Variants in DIPK2B observed in about 807,000 individuals in gnomAD.
The protein encoded by DIPK2B is UPF0672 protein CXorf36.
DIPK2B carries 15 observed loss-of-function variants against 22.2 expected under a neutral mutation model. The ratio of observed to expected loss-of-function variants is 0.68; its 90% CI spans 0.45 to 1.04. The LOEUF (loss-of-function observed/expected upper bound fraction) is 1.04. DIPK2B is among the 50% of genes least tolerant of loss of function. DIPK2B has a pLI of 0.00. For synonymous variants in DIPK2B, 163 were observed against 153.2 expected, an observed-to-expected ratio of 1.06 and a Z score of -0.47; for missense variants, 345 against 348.3, an observed-to-expected ratio of 0.99 and a Z score of 0.08.
intron 2 of DIPK2B, among the ~76,000 whole-genome samples, chrX:45,177,466 G>A (rs1350246223): frequency 1.8e-5 from 2 of 109,111 alleles, no homozygotes; most frequent in Non-Finnish European, 3.8e-5. Context: ...ACGAGAGCTG[G>A]TTATTAAAAA....
At position 45,148,521 on chromosome X, in the gene DIPK2B, G is replaced by C. The variant is rs866510378; in HGVS notation, c.*3131C>G. 1.8e-5 allele frequency: 2 copies of C among 109,924 alleles called. No homozygotes were observed. The highest frequency in any genetic ancestry group is 6.6e-5 in the African/African-American group (2 of 30,094). The allele number at this position is 109,924 out of a possible 1,213,427, so 9.1% of individuals were successfully genotyped here. On this transcript the variant is annotated 3_prime_UTR_variant, in exon 5 of 5. Transcript: ENST00000398000. ...GGGGAGCAGGTGTGTCACATGGTGA[G>C]AGCGGGAGTGAGAGGGAGAGTTGGG...
rs181345057 is a variant in DIPK2B, at chrX:45,154,243, C to T, written c.673-45G>A. 5.6e-6 allele frequency: 6 copies of T among 1,074,147 alleles called. No homozygotes were observed. The African/African-American group carries it at 1.1e-4, about 20-fold the overall frequency. 88.5% of individuals were successfully genotyped at this position (1,074,147 alleles called of 1,213,427 possible). A position where few individuals can be genotyped will look rare whatever the true frequency, so the allele number is the denominator to read the frequency against. The stretch of plus-strand genomic sequence containing the variant: ...AGGATTAGAGAGAAAAATCTGGTGA[C>T]AGCTCTCTATCTGTCTATTATCTCT... On this transcript the variant is annotated intron_variant, in intron 3 of 4. Transcript: ENST00000398000.
Position 45,178,743 on chromosome X carries a change from G to C in DIPK2B, c.498+13008C>G, listed in dbSNP as rs147890286. Among the ~76,000 whole-genome samples the C allele has an allele frequency of 7.3e-4, 82 of 111,725 alleles. 1 individual carries two copies. Among genetic ancestry groups the C allele is most frequent in the African/African-American group, 2.5e-3 (76 of 30,770 alleles). ...AAAATTTCCCTCAGGTCCTTGACCA[G>C]CTCCTAAGCAGCATGTGAGTAGGGT... On this transcript the variant is annotated intron_variant, in intron 2 of 4. Transcript: ENST00000398000.
At chrX:45,196,496 T>G (rs769681103) in intron 1 of DIPK2B, among the ~76,000 whole-genome samples, 1 of 111,561 alleles carries the variant, frequency 9.0e-6, no homozygotes, top group Non-Finnish European at 1.9e-5. Context: ...AAATCAGGCC[T>G]GACGATTTAG....
Position 45,151,567 on chromosome X carries a change from C to A in DIPK2B, c.*85G>T, listed in dbSNP as rs979849823. On this transcript the variant is annotated 3_prime_UTR_variant, in exon 5 of 5. Transcript: ENST00000398000. ...CTTTCTTCTCATCTTTAAAAAAGAG[C>A]TGCTTCTTTCTACCTTGCAGCAACC... 2.3e-6 allele frequency: 2 copies of A among 888,595 alleles called. No homozygotes were observed. The highest frequency in any genetic ancestry group is 4.0e-5 in the African/African-American group (2 of 49,643). 73.2% of individuals were successfully genotyped at this position (888,595 alleles called of 1,213,427 possible). A position where few individuals can be genotyped will look rare whatever the true frequency, so the allele number is the denominator to read the frequency against.
chrX:45,199,023 G>C (rs765328330), intron 1 of DIPK2B, among the ~76,000 whole-genome samples: 5 of 111,416 alleles, frequency 4.5e-5, no homozygotes, highest in African/African-American at 1.3e-4. Context: ...CAGGTCTCAT[G>C]TTGCCCCTCC....
intron 2 of DIPK2B, among the ~76,000 whole-genome samples, chrX:45,175,574 T>C (rs1170532658): frequency 9.8e-6 from 1 of 101,693 alleles, no homozygotes; most frequent in African/African-American, 3.7e-5. Flanking sequence ...TGTTTAAATA[T>C]ATATACGTAT....
rs780873455 is a variant in DIPK2B, at chrX:45,154,168, G to A, written c.703C>T (p.Pro235Ser). The change falls in exon 4 of 5, where the codon CCC becomes TCC. Residue 235 changes from proline to serine, a missense_variant. By Grantham distance (74) the Pro-to-Ser change is moderately conservative (BLOSUM62 -1). Transcript: ENST00000398000. Reference protein sequence around the residue: ...IFPGAEGWPLPKYLGSCGRFL... With the variant: ...IFPGAEGWPLSKYLGSCGRFL... ...CTGCCACAGGAGCCCAGGTACTTGGGCAGCGGCCATCCCTCAGCCCCAGGG... is the reference window on the plus strand; with the variant it reads ...CTGCCACAGGAGCCCAGGTACTTGGACAGCGGCCATCCCTCAGCCCCAGGG... 4.1e-6 allele frequency: 5 copies of A among 1,207,463 alleles called. No individual in the cohort carries two copies. Among genetic ancestry groups the A allele is most frequent in the East Asian group, 3.0e-5 (1 of 33,740 alleles).
chrX:45,185,234 G>C (rs1415750588), intron 2 of DIPK2B, among the ~76,000 whole-genome samples: 2 of 111,883 alleles, frequency 1.8e-5, no homozygotes, highest in Non-Finnish European at 3.8e-5. Flanking sequence ...ATGCATAGAG[G>C]GACAGCCAAT....
At chrX:45,176,752 C>T (rs2047120869) in intron 2 of DIPK2B, among the ~76,000 whole-genome samples, 1 of 111,755 alleles carries the variant, frequency 8.9e-6, no homozygotes, top group Admixed American at 9.5e-5. Flanking sequence ...CTAGGCAACC[C>T]CCTGGAGAAA....
intron 1 of DIPK2B, among the ~76,000 whole-genome samples, chrX:45,192,562 T>C (rs1395147219): frequency 1.8e-5 from 2 of 110,888 alleles, no homozygotes; most frequent in African/African-American, 6.6e-5. Context: ...TTGAAGAGGC[T>C]CTTGGGCCTG....
Position 45,148,718 on chromosome X carries a change from A to G in DIPK2B, c.*2934T>C. The G allele has an allele frequency of 8.7e-6, 1 of 114,696 alleles. No homozygotes were observed. The highest frequency in any genetic ancestry group is 1.8e-5 in the Non-Finnish European group (1 of 54,385). The allele number at this position is 114,696 out of a possible 1,213,427, so 9.5% of individuals were successfully genotyped here. A position where few individuals can be genotyped will look rare whatever the true frequency, so the allele number is the denominator to read the frequency against. ...GCTGGGGATCACATTTCAACATGAG[A>G]TTTGGAGGGGACAAACATCCAAACC... is the stretch of plus-strand genomic sequence containing the variant. On this transcript the variant is annotated 3_prime_UTR_variant, in exon 5 of 5. Coordinates refer to ENST00000398000, the MANE Select transcript of DIPK2B (RefSeq NM_176819.4).
At chrX:45,187,353 T>C (rs770854907) in intron 2 of DIPK2B, among the ~76,000 whole-genome samples, 3 of 112,050 alleles carry the variant, frequency 2.7e-5, no homozygotes, top group Non-Finnish European at 3.8e-5. Context: ...TGTTTCTGTT[T>C]GTGGGCTAGT....
At chrX:45,197,340 C>A (rs2047244525) in intron 1 of DIPK2B, among the ~76,000 whole-genome samples, 1 of 111,064 alleles carries the variant, frequency 9.0e-6, no homozygotes, top group African/African-American at 3.3e-5. Context: ...CGGGTTCAAG[C>A]AATTCTCCTG....
intron 1 of DIPK2B, among the ~76,000 whole-genome samples, chrX:45,194,399 G>A (rs1485117440): frequency 1.8e-5 from 2 of 110,894 alleles, no homozygotes; most frequent in Non-Finnish European, 3.8e-5. Context: ...ACAGGCACAC[G>A]CCACCATGGA....
Position 45,191,773 on chromosome X carries a change from C to T in DIPK2B, c.476G>A (p.Arg159His), listed in dbSNP as rs147191885. The T allele has an allele frequency of 1.7e-6, 2 of 1,209,931 alleles. No homozygotes were observed. Among genetic ancestry groups the T allele is most frequent in the Non-Finnish European group, 1.1e-6 (1 of 895,276 alleles). Reference protein sequence around the residue: ...ERFQKWLQAKRLTPDLVQGLA... With the variant: ...ERFQKWLQAKHLTPDLVQGLA... ...CACCTGCACCAGGTCCGGCGTGAGG[C>T]GCTTGGCCTGCAGCCATTTCTGGAA... The change falls in exon 2 of 5, where the codon CGC (arginine) becomes CAC (histidine). Residue 159 changes from arginine (R) to histidine (H), a missense_variant. Coordinates refer to ENST00000398000, the MANE Select transcript of DIPK2B (RefSeq NM_176819.4).
Position 45,178,354 on chromosome X carries a change from C to T in DIPK2B, c.498+13397G>A, listed in dbSNP as rs377541312. 3.0e-4 allele frequency among the ~76,000 whole-genome samples: 33 copies of T among 110,632 alleles called. No individual in the cohort carries two copies. In the South Asian group the frequency reaches 0.012, roughly 41 times the overall value. On this transcript the variant is annotated intron_variant, in intron 2 of 4. Transcript: ENST00000398000. ...CATGCAGTAGCATTTTTTTTTCTTT[C>T]TTTCCTGGAGAGTAGATAATTCTGG...
At chrX:45,188,092 A>T (rs971082509) in intron 2 of DIPK2B, among the ~76,000 whole-genome samples, 2 of 111,825 alleles carry the variant, frequency 1.8e-5, no homozygotes, top group African/African-American at 6.5e-5. Flanking sequence ...CGCATCCTAT[A>T]ATAGCTCCCC....
At chrX:45,170,527 A>G (rs1363787035) in intron 2 of DIPK2B, among the ~76,000 whole-genome samples, 1 of 112,635 alleles carries the variant, frequency 8.9e-6, no homozygotes, top group African/African-American at 3.2e-5. Context: ...GGCTTCTTTT[A>G]GAGTGTGCTG....
Sources: gnomAD v4.1 joint callset for allele counts (sites outside exome capture counted in the v4.1 genomes callset) on GRCh38, gnomAD v4.1.1 for gene constraint, MANE v1.5 for transcripts, NCBI Gene and HGNC (gene_info 2026-07-23, HGNC 2026-07-21) for gene names.